SNX14: variants seen among roughly 807,000 people sequenced by gnomAD.
The protein encoded by SNX14 is sorting nexin-14.
SNX14 carries 93 observed loss-of-function variants against 133.8 expected under a neutral mutation model. The ratio of observed to expected loss-of-function variants is 0.70; its 90% CI spans 0.59 to 0.83. SNX14 has a LOEUF of 0.83. SNX14 is among the 40% of genes least tolerant of loss of function. The probability of loss-of-function intolerance (pLI) is 0.00; values close to 1 mark genes in which losing one functional copy is unlikely to be tolerated. For synonymous variants in SNX14, 368 were observed against 365.6 expected (o/e 1.01, Z -0.07); for missense variants, 945 against 1,094.9 (o/e 0.86, Z 1.93).
At chr6:85,528,238 G>A in intron 20 of SNX14, 24 bp downstream of exon 20, 1 of 1,519,562 alleles carries the variant, frequency 6.6e-7, no homozygotes, top group Non-Finnish European at 9.1e-7. Flanking sequence ...GCAACATTTG[G>A]AATTAATACA....
intron 15 of SNX14, among the ~76,000 whole-genome samples, chr6:85,540,142 A>G (rs1010463603): frequency 3.3e-5 from 5 of 151,920 alleles, no homozygotes; most frequent in African/African-American, 1.2e-4. Context: ...TTGTATTTTT[A>G]GCAGAGACAG....
rs755328000 is a variant in SNX14 at position 85,572,210 on chromosome 6, G to A, written c.344C>T (p.Ser115Phe). The change falls in exon 4 of 29, where the codon TCT becomes TTT. Residue 115 changes from serine (S) to phenylalanine (F), a missense_variant. This residue lies in a region of SNX14 where 514 missense variants were observed against 538.8 expected (regional missense o/e 0.95). Coordinates refer to ENST00000314673, the MANE Select transcript of SNX14 (RefSeq NM_153816.6). ...GKVKCKRHRP[S>F]LLLENYQPWL... ...TGGCTGGTAGTTTTCAAGTAGCAAA[G>A]AAGGCCTAAAGAAAAATTATACAAC... 3 of 1,613,772 alleles carry A rather than the reference G, an allele frequency of 1.9e-6. No individual in the cohort carries two copies. Among genetic ancestry groups the A allele is most frequent in the Admixed American group, 3.3e-5 (2 of 59,992 alleles).
chr6:85,538,967 C>T (rs1053534525), intron 15 of SNX14, 103 bp from the exon 16 acceptor site: 2 of 969,152 alleles, frequency 2.1e-6, no homozygotes, highest in African/African-American at 1.7e-5. Context: ...TTAAAAGCTT[C>T]AGAAGTTACA....
In SNX14 at chr6:85,514,162, G is replaced by A. The variant is rs1773963090; in HGVS notation, c.2465C>T (p.Thr822Ile). ...ATAGTAATCAGTATACATTTCCAGG[G>A]TGTTTTTAAAGAGGATTCGAGTTCC... Reference protein sequence around the residue: ...LMGTRILFKNTLEMYTDYYLQ... With the variant: ...LMGTRILFKNILEMYTDYYLQ... The change falls in exon 25 of 29, where the codon ACC becomes ATC. Residue 822 changes from threonine (T) to isoleucine (I), a missense_variant. Coordinates refer to ENST00000314673, the MANE Select transcript of SNX14 (RefSeq NM_153816.6). The A allele has an allele frequency of 6.2e-7, 1 of 1,613,904 alleles. No homozygotes were observed. Among genetic ancestry groups the A allele is most frequent in the Admixed American group, 1.7e-5 (1 of 59,994 alleles).
At chr6:85,539,976 T>TTTTATTTTATTTTATTTTATTTTAA (rs1162122928) in intron 15 of SNX14, among the ~76,000 whole-genome samples, 1 of 146,960 alleles carries the variant, frequency 6.8e-6, no homozygotes, top group Admixed American at 6.8e-5. Flanking sequence ...TTTTATTTTA[T>TTTTATTTTATTTTATTTTATTTTAA]TTTAATTGAG....
intron 21 of SNX14, among the ~76,000 whole-genome samples, chr6:85,523,875 T>C (rs1777700818): frequency 6.6e-6 from 1 of 152,172 alleles, no homozygotes; most frequent in South Asian, 2.1e-4. Context: ...TACACGTTGG[T>C]TCTGAAAAGA....
chr6:85,545,955 T>C (rs1311274641), intron 12 of SNX14, among the ~76,000 whole-genome samples: 4 of 152,250 alleles, frequency 2.6e-5, no homozygotes, highest in Non-Finnish European at 5.9e-5. Flanking sequence ...AGTGCTGGGA[T>C]TGTAAGCATG....
At chr6:85,546,515 G>A (rs1177499104) in intron 12 of SNX14, among the ~76,000 whole-genome samples, 2 of 151,904 alleles carry the variant, frequency 1.3e-5, no homozygotes, top group Middle Eastern at 3.2e-3. Context: ...ATATTGACAT[G>A]GGCTACAGTT....
At chr6:85,578,977 AG>A (rs1224699994) in intron 1 of SNX14, among the ~76,000 whole-genome samples, 1 of 152,124 alleles carries the variant, frequency 6.6e-6, no homozygotes, top group Non-Finnish European at 1.5e-5. Flanking sequence ...CTCTACTAAA[AG>A]TACAAAAAAA....
chr6:85,568,588 A>G (rs1422904522), intron 4 of SNX14: 1 of 152,208 alleles, frequency 6.6e-6, no homozygotes, highest in Non-Finnish European at 1.5e-5. Context: ...TGGGTGTCGC[A>G]GTATGTCATA....
At chr6:85,590,386 C>T (rs1209640989) in intron 1 of SNX14, among the ~76,000 whole-genome samples, 1 of 152,172 alleles carries the variant, frequency 6.6e-6, no homozygotes, top group Non-Finnish European at 1.5e-5. Flanking sequence ...GCATTAAAAG[C>T]TTGTTCAGGG....
At chr6:85,566,051 G>C (rs1418832400) in intron 5 of SNX14, among the ~76,000 whole-genome samples, 1 of 152,190 alleles carries the variant, frequency 6.6e-6, no homozygotes, top group Non-Finnish European at 1.5e-5. Context: ...TGGCAGAATA[G>C]GAAAGATAAT....
chr6:85,566,635 T>G (rs1793932766), intron 5 of SNX14, among the ~76,000 whole-genome samples: 1 of 151,534 alleles, frequency 6.6e-6, no homozygotes. Flanking sequence ...GAGGTGGAGG[T>G]TGCAGTGAGC....
chr6:85,505,816 T>C lies in SNX14; in HGVS notation c.*151A>G, dbSNP rs972452682. 2 of 622,586 alleles carry C rather than the reference T, an allele frequency of 3.2e-6. No homozygotes were observed. Among genetic ancestry groups the C allele is most frequent in the Non-Finnish European group, 5.6e-6 (2 of 354,644 alleles). 38.6% of individuals were successfully genotyped at this position (622,586 alleles called of 1,614,324 possible). ...GACTCAATCACTTTTAATCATTAAG[T>C]TTGTGTTAGTCTTTATTAAAAACAA... On this transcript the variant is annotated 3_prime_UTR_variant, in exon 29 of 29. Transcript: ENST00000314673.
At chr6:85,506,077 G>C in intron 28 of SNX14, 72 bp from the exon 29 acceptor site, 1 of 986,730 alleles carries the variant, frequency 1.0e-6, no homozygotes, top group Non-Finnish European at 1.6e-6. Flanking sequence ...AACAGCTCTA[G>C]TGTATTAAAA....
chr6:85,577,796 A>G (rs1225523255), intron 1 of SNX14, among the ~76,000 whole-genome samples: 1 of 152,218 alleles, frequency 6.6e-6, no homozygotes, highest in East Asian at 1.9e-4. Flanking sequence ...ACAAACGAAC[A>G]AACAAACAGA....
rs913415994 is a variant in SNX14 at position 85,532,893 on chromosome 6, CT to C, written c.1810+705del. ...AGTTTTAACCATATTTTCATCAGTTCTTTTTTTTTTGGAGACAGGGTTTCAC... is the reference window on the plus strand; with the variant it reads ...AGTTTTAACCATATTTTCATCAGTTCTTTTTTTTTGGAGACAGGGTTTCAC... On this transcript the variant is annotated intron_variant, in intron 18 of 28. Coordinates refer to ENST00000314673, the MANE Select transcript of SNX14 (RefSeq NM_153816.6). 8.1e-5 allele frequency among the ~76,000 whole-genome samples: 12 copies of C among 148,222 alleles called. No individual in the cohort carries two copies. The East Asian group carries it at 9.8e-4, about 12-fold the overall frequency.
At chr6:85,526,102 T>C (rs375136586) in intron 21 of SNX14, 24 bp downstream of exon 21, 1 of 1,406,572 alleles carries the variant, frequency 7.1e-7, no homozygotes, top group Non-Finnish European at 9.8e-7. Context: ...TATTATCTTA[T>C]AATGATTCTT....
chr6:85,535,227 C>T (rs1781547510), intron 17 of SNX14, among the ~76,000 whole-genome samples: 1 of 151,768 alleles, frequency 6.6e-6, no homozygotes, highest in African/African-American at 2.4e-5. Context: ...GTTGCCCAGG[C>T]TGGTCTTGAA....
Sources: allele counts gnomAD v4.1 joint callset (sites outside exome capture counted in the v4.1 genomes callset), GRCh38; gene constraint gnomAD v4.1.1; regional missense constraint gnomAD v4.1.1; transcripts MANE v1.5; gene names NCBI Gene and HGNC (gene_info 2026-07-23, HGNC 2026-07-21).